CRACD: variants seen among roughly 807,000 people sequenced by gnomAD.
The protein encoded by CRACD is capping protein inhibiting regulator of actin dynamics, also known as capping protein-inhibiting regulator of actin dynamics.
Under a neutral mutation model 106.8 loss-of-function variants are expected in CRACD, and 56 were observed. The observed-to-expected ratio is 0.52, with a 90% CI of 0.42 to 0.66. The LOEUF (loss-of-function observed/expected upper bound fraction) is 0.66, where lower values mean the gene tolerates loss of function less well. Among genes scored for constraint, CRACD ranks in the 30% least tolerant of loss-of-function variants. The probability of loss-of-function intolerance (pLI) is 0.00; values close to 1 mark genes in which losing one functional copy is unlikely to be tolerated. For missense variants in CRACD, 1,730 were observed against 1,623.2 expected (o/e 1.07, Z -1.13); for synonymous variants, 754 against 670.8 (o/e 1.12, Z -1.92).
chr4:56,195,900 TGA>T (rs1256168741), intron 2 of CRACD, among the ~76,000 whole-genome samples: 1 of 152,200 alleles, frequency 6.6e-6, no homozygotes, highest in African/African-American at 2.4e-5. Context: ...AGATGCAATG[TGA>T]GAGGGTTGTA....
chr4:56,209,631 C>T (rs374290297), intron 2 of CRACD, among the ~76,000 whole-genome samples: 65 of 152,038 alleles, frequency 4.3e-4, no homozygotes, highest in African/African-American at 1.4e-3. Flanking sequence ...TATTAACAGA[C>T]GTAAATATAT....
chr4:56,323,794 C>T (rs143605109), intron 9 of CRACD, among the ~76,000 whole-genome samples: 4 of 152,306 alleles, frequency 2.6e-5, no homozygotes, highest in South Asian at 4.1e-4. Flanking sequence ...ATCCACGATA[C>T]GCTTACAACA....
In CRACD at chr4:56,307,564, G is replaced by A. The variant is rs916884697; in HGVS notation, c.150G>A (p.Gly50=). ...AGTTGGGCAAGAATATCAAGTTTGG[G>A]CAGCGGTCACCCAATGCCATTCCCA... The part of the protein sequence containing the change: ...QQQLGKNIKF[G]QRSPNAIPMN... Residue 50 remains glycine, a synonymous_variant, in exon 5 of 11, where the codon GGG becomes GGA. Transcript: ENST00000682029. 2 of 1,614,140 alleles carry A rather than the reference G, an allele frequency of 1.2e-6. No homozygotes were observed. The highest frequency in any genetic ancestry group is 1.1e-5 in the South Asian group (1 of 91,074).
rs748171637 is a variant in CRACD, at chr4:56,314,982, C to T, written c.1480C>T (p.Gln494Ter). The T allele has an allele frequency of 6.3e-7, 1 of 1,587,074 alleles. No individual in the cohort carries two copies. ...AGGGGACACGGAGCCTCTCCTGAAACAAGAGGGGCCGGTGGAAGCCGCGCA... is the reference window on the plus strand; with the variant it reads ...AGGGGACACGGAGCCTCTCCTGAAATAAGAGGGGCCGGTGGAAGCCGCGCA... Reference protein sequence around the residue: ...EEGDTEPLLKQEGPVEAAQPP... With the variant: ...EEGDTEPLLK The change falls in exon 8 of 11, where the codon CAA becomes TAA. Residue 494 changes from glutamine (Q) to a stop codon, truncating the protein, a stop_gained. Coordinates refer to ENST00000682029, the MANE Select transcript of CRACD (RefSeq NM_001393381.1). LOFTEE classifies it high-confidence loss of function. The surrounding 1 kb of genome is among the most constrained non-coding windows in gnomAD (Gnocchi z 4.4).
intron 2 of CRACD, among the ~76,000 whole-genome samples, chr4:56,236,426 G>T (rs565352748): frequency 6.6e-6 from 1 of 152,144 alleles, no homozygotes; most frequent in Non-Finnish European, 1.5e-5. Context: ...CTTTATTGTG[G>T]CAGCCTGAGC....
At chr4:56,169,925 T>C (rs1235463443) in intron 1 of CRACD, among the ~76,000 whole-genome samples, 1 of 151,256 alleles carries the variant, frequency 6.6e-6, no homozygotes, top group African/African-American at 2.5e-5. Context: ...AGTTTACTCA[T>C]ATGTAATTCA....
intron 1 of CRACD, among the ~76,000 whole-genome samples, chr4:56,110,573 G>T (rs1409789001): frequency 6.6e-6 from 1 of 152,052 alleles, no homozygotes; most frequent in Non-Finnish European, 1.5e-5. Flanking sequence ...AGATGAAATT[G>T]ACAGAATTAT....
chr4:56,267,143 C>T lies in CRACD; in HGVS notation c.-188-5178C>T, dbSNP rs148141441. 1.2e-3 allele frequency among the ~76,000 whole-genome samples: 181 copies of T among 148,538 alleles called. 1 individual carries two copies. Among genetic ancestry groups the T allele is most frequent in the African/African-American group, 4.0e-3 (162 of 40,182 alleles). On this transcript the variant is annotated intron_variant, in intron 2 of 10. Coordinates refer to ENST00000682029, the MANE Select transcript of CRACD (RefSeq NM_001393381.1). ...ATTTAAGTTTTTTTTTTTTTTGAGACGGAGTCTCGCACTGTCGCTCGGGCT... is the reference window on the plus strand; with the variant it reads ...ATTTAAGTTTTTTTTTTTTTTGAGATGGAGTCTCGCACTGTCGCTCGGGCT...
chr4:56,310,586 C>T, intron 5 of CRACD, 80 bp from the exon 6 acceptor site: 2 of 1,001,488 alleles, frequency 2.0e-6, no homozygotes, highest in South Asian at 1.4e-5. Flanking sequence ...GTGACCCTAC[C>T]CAGGCACAGA....
intron 8 of CRACD, 49 bp downstream of exon 8, chr4:56,316,738 C>A: frequency 6.8e-7 from 1 of 1,478,480 alleles, no homozygotes; most frequent in Non-Finnish European, 9.1e-7. Context: ...GTGTCAGAGC[C>A]AGGGCATCAA....
chr4:56,288,726 G>A (rs1327994514), intron 3 of CRACD: 1 of 151,502 alleles, frequency 6.6e-6, no homozygotes, highest in African/African-American at 2.4e-5. Context: ...TGTGGAATGG[G>A]GACTTACGGC....
chr4:56,201,118 A>T (rs1285093191), intron 2 of CRACD, among the ~76,000 whole-genome samples: 1 of 152,334 alleles, frequency 6.6e-6, no homozygotes, highest in East Asian at 1.9e-4. Flanking sequence ...ATAATTAATT[A>T]TTTTTAAAAT....
chr4:56,172,035 T>TTTTTTTTTTTTTC (rs1736391238), intron 1 of CRACD, among the ~76,000 whole-genome samples: 2 of 146,996 alleles, frequency 1.4e-5, no homozygotes, highest in African/African-American at 2.5e-5. Flanking sequence ...TTTTTTTTTT[T>TTTTTTTTTTTTTC]CAACTTTACA....
In CRACD at chr4:56,314,672, G is replaced by C. The variant is rs748869826; in HGVS notation, c.1170G>C (p.Gly390=). Residue 390 remains glycine, a synonymous_variant, in exon 8 of 11, where the codon GGG becomes GGC. Coordinates refer to ENST00000682029, the MANE Select transcript of CRACD (RefSeq NM_001393381.1). The surrounding 1 kb of genome is among the most constrained non-coding windows in gnomAD (Gnocchi z 4.4). ...CGCCCGAGGCGTTGGAGGAGACTGG[G>C]GAGGGCCGGCGGGGCGCGGAGGAGG... ...QGPPEALEET[G]EGRRGAEEED... 5 of 1,550,764 alleles carry C rather than the reference G, an allele frequency of 3.2e-6. No individual in the cohort carries two copies. The Admixed American group carries it at 5.9e-5, about 18-fold the overall frequency.
chr4:56,317,522 C>A (rs1021300976), intron 8 of CRACD, among the ~76,000 whole-genome samples: 1 of 152,164 alleles, frequency 6.6e-6, no homozygotes, highest in Non-Finnish European at 1.5e-5. Flanking sequence ...ATAATCCCAA[C>A]GACTGAAGAT....
intron 1 of CRACD, among the ~76,000 whole-genome samples, chr4:56,056,440 T>C (rs762737889): frequency 3.9e-5 from 6 of 152,158 alleles, no homozygotes; most frequent in Non-Finnish European, 5.9e-5. Context: ...GCTGGTCCCA[T>C]GTGGCTAGTC....
At chr4:56,146,978 G>A (rs532968490) in intron 1 of CRACD, among the ~76,000 whole-genome samples, 1 of 152,288 alleles carries the variant, frequency 6.6e-6, no homozygotes, top group Non-Finnish European at 1.5e-5. Flanking sequence ...AGAAAGAAAA[G>A]GTGTGGGAAA....
chr4:56,193,044 A>G (rs1328673444), intron 2 of CRACD, among the ~76,000 whole-genome samples: 1 of 152,208 alleles, frequency 6.6e-6, no homozygotes, highest in Non-Finnish European at 1.5e-5. Context: ...ATTTATAAAG[A>G]AAAAGCGGTA....
At position 56,128,728 on chromosome 4, in the gene CRACD, C is replaced by G. The variant is rs149384037; in HGVS notation, c.-335-50556C>G. Among the ~76,000 whole-genome samples, 742 of 152,016 alleles carry G rather than the reference C, an allele frequency of 4.9e-3. 2 individuals are homozygous for G. The highest frequency in any genetic ancestry group is 8.2e-3 in the Non-Finnish European group (559 of 67,974). ...GCCAACCTGGGTAAGATAGGGAGAC[C>G]CCCCACCTCAGAAACCAACAAAAGG... is the stretch of plus-strand genomic sequence containing the variant. On this transcript the variant is annotated intron_variant, in intron 1 of 10. Coordinates refer to ENST00000682029, the MANE Select transcript of CRACD (RefSeq NM_001393381.1).
Sources: allele counts gnomAD v4.1 joint callset (sites outside exome capture counted in the v4.1 genomes callset), GRCh38; gene constraint gnomAD v4.1.1; non-coding constraint Gnocchi (gnomAD v3.1); transcripts MANE v1.5; gene names NCBI Gene and HGNC (gene_info 2026-07-23, HGNC 2026-07-21).